Variants in IGFBP1 observed in about 807,000 individuals in gnomAD.
IGFBP1 encodes insulin like growth factor binding protein 1.
IGFBP1 carries 31 observed loss-of-function variants against 23.1 expected under a neutral mutation model. The observed-to-expected ratio is 1.34, with a 90% CI of 1.01 to 1.81. IGFBP1 has a LOEUF of 1.81. Ranked by LOEUF, IGFBP1 falls within the 40% of genes most tolerant of loss-of-function variation. The pLI, the probability that IGFBP1 is intolerant of heterozygous loss-of-function variation, is 0.00. For missense variants in IGFBP1, 333 were observed against 342.2 expected, an observed-to-expected ratio of 0.97 and a Z score of 0.21; for synonymous variants, 148 against 145.5, an observed-to-expected ratio of 1.02 and a Z score of -0.13.
In IGFBP1 at chr7:45,888,674, C is replaced by G. The variant is rs777344533; in HGVS notation, c.22C>G (p.Arg8Gly). 8 of 1,598,144 alleles carry G rather than the reference C, an allele frequency of 5.0e-6. No homozygotes were observed. The stretch of plus-strand genomic sequence containing the variant: ...GGAGATGTCAGAGGTCCCCGTTGCT[C>G]GCGTCTGGCTGGTACTGCTCCTGCT... MSEVPVARVWLVLLLLTV... is the reference protein window; with the variant it reads MSEVPVAGVWLVLLLLTV... Residue 8 changes from arginine (R) to glycine (G), a missense_variant, in exon 1 of 4, where the codon CGC becomes GGC. Coordinates refer to ENST00000275525, the MANE Select transcript of IGFBP1 (RefSeq NM_000596.4).
intron 1 of IGFBP1, 99 bp from the exon 2 acceptor site, chr7:45,890,449 G>A: frequency 2.3e-6 from 3 of 1,314,748 alleles, no homozygotes; most frequent in South Asian, 1.4e-5. Flanking sequence ...CATCCTCATG[G>A]CCCAGCCTGG....
At chr7:45,889,080 T>G in intron 1 of IGFBP1, 79 bp downstream of exon 1, 2 of 1,076,804 alleles carry the variant, frequency 1.9e-6, no homozygotes, top group Non-Finnish European at 2.6e-6. Context: ...CTCCCCTAAC[T>G]ACTGGGTGGG....
At position 45,890,705 on chromosome 7, in the gene IGFBP1, C is replaced by G; in HGVS notation, c.507C>G (p.Ile169Met). The G allele has an allele frequency of 6.2e-7, 1 of 1,600,118 alleles. No homozygotes were observed. Among genetic ancestry groups the G allele is most frequent in the African/African-American group, 1.4e-5 (1 of 73,880 alleles). ...CGAAGGCTCTCCATGTCACCAACAT[C>G]AAAAAATGGAAGGTGAGGCCCAGCA... ...DGSKALHVTN[I>M]KKWKEPCRIE... Residue 169 changes from isoleucine (I) to methionine (M), a missense_variant, in exon 2 of 4, where the codon ATC (isoleucine) becomes ATG (methionine). Ile to Met is a conservative substitution (Grantham distance 10). Transcript: ENST00000275525.
At chr7:45,891,451 A>T (rs1365918685) in intron 2 of IGFBP1, among the ~76,000 whole-genome samples, 1 of 152,284 alleles carries the variant, frequency 6.6e-6, no homozygotes, top group Non-Finnish European at 1.5e-5. Flanking sequence ...TAAATTATCC[A>T]AATGAATGCC....
At position 45,891,943 on chromosome 7, in the gene IGFBP1, A is replaced by T; in HGVS notation, c.531A>T (p.Arg177=). Residue 177 remains arginine, a synonymous_variant, in exon 3 of 4, where the codon CGA becomes CGT. Coordinates refer to ENST00000275525, the MANE Select transcript of IGFBP1 (RefSeq NM_000596.4). The part of the protein sequence containing the change: ...TNIKKWKEPC[R]IELYRVVESL... ...AGTTATTCTCTTAGGAGCCCTGCCGAATAGAACTCTACAGAGTCGTAGAGA... is the reference window on the plus strand; with the variant it reads ...AGTTATTCTCTTAGGAGCCCTGCCGTATAGAACTCTACAGAGTCGTAGAGA... 6.2e-7 allele frequency: 1 copy of T among 1,613,104 alleles called. No individual in the cohort carries two copies. Among genetic ancestry groups the T allele is most frequent in the Non-Finnish European group, 8.5e-7 (1 of 1,179,550 alleles).
rs1161722327 is a variant in IGFBP1 at position 45,892,950 on chromosome 7, G to C, written c.649-10G>C. On this transcript the variant is annotated splice_polypyrimidine_tract_variant and intron_variant, in intron 3 of 3. Transcript: ENST00000275525. The stretch of plus-strand genomic sequence containing the variant: ...ATCTGCTGCTCTTGACCTTGGTCTT[G>C]TCTTTGCAGTGTGAGACATCCATGG... The C allele has an allele frequency of 6.2e-7, 1 of 1,610,700 alleles. No homozygotes were observed. Among genetic ancestry groups the C allele is most frequent in the Admixed American group, 1.7e-5 (1 of 59,892 alleles).
chr7:45,893,111 C>A lies in IGFBP1; in HGVS notation c.*20C>A. 6.3e-7 allele frequency: 1 copy of A among 1,581,122 alleles called. No homozygotes were observed. The highest frequency in any genetic ancestry group is 1.1e-5 in the South Asian group (1 of 90,054). On this transcript the variant is annotated 3_prime_UTR_variant, in exon 4 of 4. Transcript: ENST00000275525. ...AACTGAAACCAGATGAAATAATGTT[C>A]TGTCACGTGAAATATTTAAGTATAT...
At chr7:45,892,800 G>C (rs1266008789) in intron 3 of IGFBP1, among the ~76,000 whole-genome samples, 160 bp from the exon 4 acceptor site, 6 of 152,198 alleles carry the variant, frequency 3.9e-5, no homozygotes, top group Non-Finnish European at 7.3e-5. Context: ...GAACCAGGAG[G>C]GTGTGAGATT....
In IGFBP1 at chr7:45,888,691, G is replaced by C. The variant is rs1362424138; in HGVS notation, c.39G>C (p.Leu13=). ...EVPVARVWLV[L]LLLTVQVGVT... ...CCGTTGCTCGCGTCTGGCTGGTACTGCTCCTGCTGACTGTCCAGGTCGGCG... is the reference window on the plus strand; with the variant it reads ...CCGTTGCTCGCGTCTGGCTGGTACTCCTCCTGCTGACTGTCCAGGTCGGCG... Residue 13 remains leucine, a synonymous_variant, in exon 1 of 4, where the codon CTG becomes CTC. Coordinates refer to ENST00000275525, the MANE Select transcript of IGFBP1 (RefSeq NM_000596.4). 1.9e-6 allele frequency: 3 copies of C among 1,598,054 alleles called. No individual in the cohort carries two copies. The highest frequency in any genetic ancestry group is 2.5e-6 in the Non-Finnish European group (3 of 1,179,484).
Position 45,893,055 on chromosome 7 carries a change from C to T in IGFBP1, c.744C>T (p.Asp248=). The change falls in exon 4 of 4, where the codon GAC becomes GAT. Residue 248 remains aspartate, a synonymous_variant. Coordinates refer to ENST00000275525, the MANE Select transcript of IGFBP1 (RefSeq NM_000596.4). ...CTGGGTCTCCAGAGATCAGGGGAGA[C>T]CCCAACTGCCAGATATATTTTAATG... The part of the protein sequence containing the change: ...RIPGSPEIRG[D]PNCQIYFNVQ... 2 of 1,612,012 alleles carry T rather than the reference C, an allele frequency of 1.2e-6. No individual in the cohort carries two copies. The highest frequency in any genetic ancestry group is 1.7e-6 in the Non-Finnish European group (2 of 1,178,252).
chr7:45,892,178 G>A (rs905963558), intron 3 of IGFBP1, 118 bp downstream of exon 3: 3 of 1,111,958 alleles, frequency 2.7e-6, no homozygotes, highest in Non-Finnish European at 3.9e-6. Context: ...ACCAGAAGTG[G>A]TTGTATTGAG....
intron 3 of IGFBP1, 43 bp downstream of exon 3, chr7:45,892,103 T>A: frequency 6.2e-7 from 1 of 1,602,318 alleles, no homozygotes; most frequent in Non-Finnish European, 8.5e-7. Flanking sequence ...TGAAAGGGAC[T>A]ACTGCCCTAC....
chr7:45,891,075 G>A (rs1397547102), intron 2 of IGFBP1, among the ~76,000 whole-genome samples: 1 of 152,124 alleles, frequency 6.6e-6, no homozygotes, highest in Non-Finnish European at 1.5e-5. Flanking sequence ...CTTTAAAAAA[G>A]TTGTCATAAA....
chr7:45,892,865 A>G (rs1787101035), intron 3 of IGFBP1, 95 bp from the exon 4 acceptor site: 1 of 1,227,736 alleles, frequency 8.1e-7, no homozygotes, highest in Non-Finnish European at 1.2e-6. Flanking sequence ...TTGGCTCTGC[A>G]GTGCTCGGCT....
chr7:45,892,207 G>T, intron 3 of IGFBP1, 147 bp downstream of exon 3: 1 of 795,922 alleles, frequency 1.3e-6, no homozygotes, highest in Non-Finnish European at 2.0e-6. Flanking sequence ...ACCCCTCTGG[G>T]AACCTGGAAC....
In IGFBP1 at chr7:45,888,689, C is replaced by T; in HGVS notation, c.37C>T (p.Leu13=). 6.3e-7 allele frequency: 1 copy of T among 1,598,114 alleles called. No individual in the cohort carries two copies. Among genetic ancestry groups the T allele is most frequent in the Non-Finnish European group, 8.5e-7 (1 of 1,179,500 alleles). Residue 13 remains leucine, a synonymous_variant, in exon 1 of 4, where the codon CTG becomes TTG. Coordinates refer to ENST00000275525, the MANE Select transcript of IGFBP1 (RefSeq NM_000596.4). The stretch of plus-strand genomic sequence containing the variant: ...CCCCGTTGCTCGCGTCTGGCTGGTA[C>T]TGCTCCTGCTGACTGTCCAGGTCGG... ...EVPVARVWLV[L]LLLTVQVGVT...
In IGFBP1 at chr7:45,891,951, T is replaced by G; in HGVS notation, c.539T>G (p.Leu180Arg). The G allele has an allele frequency of 1.2e-6, 2 of 1,613,232 alleles. No homozygotes were observed. Among genetic ancestry groups the G allele is most frequent in the Non-Finnish European group, 1.7e-6 (2 of 1,179,660 alleles). The change falls in exon 3 of 4, where the codon CTC (leucine) becomes CGC (arginine). Residue 180 changes from leucine (L) to arginine (R), a missense_variant. Physicochemically the swap from Leu to Arg is moderately radical, Grantham distance 102. Transcript: ENST00000275525. ...KKWKEPCRIE[L>R]YRVVESLAKA... ...TCTTAGGAGCCCTGCCGAATAGAAC[T>G]CTACAGAGTCGTAGAGAGTTTAGCC...
In IGFBP1 at chr7:45,888,871, G is replaced by T; in HGVS notation, c.219G>T (p.Val73=). 2 of 1,510,668 alleles carry T rather than the reference G, an allele frequency of 1.3e-6. No homozygotes were observed. Among genetic ancestry groups the T allele is most frequent in the Non-Finnish European group, 1.8e-6 (2 of 1,139,378 alleles). 93.6% of individuals were successfully genotyped at this position (1,510,668 alleles called of 1,614,324 possible). The change falls in exon 1 of 4, where the codon GTG becomes GTT. Residue 73 remains valine (V), a synonymous_variant. Coordinates refer to ENST00000275525, the MANE Select transcript of IGFBP1 (RefSeq NM_000596.4). ...TGCCTCTGGGCGCCGCGTGCGGCGTGGCGACTGCACGCTGCGCCCGGGGAC... is the reference window on the plus strand; with the variant it reads ...TGCCTCTGGGCGCCGCGTGCGGCGTTGCGACTGCACGCTGCGCCCGGGGAC... The part of the protein sequence containing the change: ...CALPLGAACG[V]ATARCARGLS...
At chr7:45,889,084 G>T in intron 1 of IGFBP1, 83 bp downstream of exon 1, 1 of 1,043,020 alleles carries the variant, frequency 9.6e-7, no homozygotes, top group Non-Finnish European at 1.3e-6. Flanking sequence ...CCTAACTACT[G>T]GGTGGGGCTG....
Sources: gnomAD v4.1 joint callset for allele counts (sites outside exome capture counted in the v4.1 genomes callset) on GRCh38, gnomAD v4.1.1 for gene constraint, MANE v1.5 for transcripts, NCBI Gene and HGNC (gene_info 2026-07-23, HGNC 2026-07-21) for gene names.